Variants in DDX21 observed in about 807,000 individuals in gnomAD.
DDX21 encodes the protein nucleolar RNA helicase 2.
DDX21 carries 18 observed loss-of-function variants against 90.0 expected under a neutral mutation model. The observed-to-expected ratio is 0.20, with a 90% CI of 0.14 to 0.30. The LOEUF is 0.30. Among genes scored for constraint, DDX21 ranks in the 10% least tolerant of loss-of-function variants. The probability of loss-of-function intolerance (pLI) is 1.00; values close to 1 mark genes in which losing one functional copy is unlikely to be tolerated. For synonymous variants in DDX21, 294 were observed against 318.0 expected, an observed-to-expected ratio of 0.92 and a Z score of 0.80; for missense variants, 673 against 944.5, an observed-to-expected ratio of 0.71 and a Z score of 3.77.
At chr10:68,964,141 A>T (rs768099911) in intron 4 of DDX21, 7 of 420,988 alleles carry the variant, frequency 1.7e-5, no homozygotes, top group South Asian at 1.2e-4. Context: ...AATGGAAAGA[A>T]GGGCAAGTCA....
At chr10:68,958,851 A>G (rs1436594289) in intron 1 of DDX21, among the ~76,000 whole-genome samples, 3 of 152,338 alleles carry the variant, frequency 2.0e-5, no homozygotes, top group Non-Finnish European at 2.9e-5. Flanking sequence ...CTGAGATTAC[A>G]GGCATGAACC....
chr10:68,965,257 G>A (rs1038780584), intron 4 of DDX21, 120 bp from the exon 5 acceptor site: 16 of 662,794 alleles, frequency 2.4e-5, no homozygotes, highest in Admixed American at 1.4e-4. Context: ...TAATGTTATC[G>A]TCATCATCAG....
At chr10:68,975,683 A>C (rs1843087915) in intron 11 of DDX21, among the ~76,000 whole-genome samples, 1 of 152,152 alleles carries the variant, frequency 6.6e-6, no homozygotes, top group South Asian at 2.1e-4. Flanking sequence ...CATGCCTGTA[A>C]TCCCAGCACT....
At position 68,960,210 on chromosome 10, in the gene DDX21, T is replaced by C; in HGVS notation, c.492T>C (p.Ser164=). ...FPHPEPDCNP[S]EAASEESNSE... ...ATCCTGAACCGGACTGTAACCCCAG[T>C]GAAGCTGCCAGTGAAGAAAGTAACA... The change falls in exon 2 of 15, where the codon AGT becomes AGC. Residue 164 remains serine, a synonymous_variant. Transcript: ENST00000354185. 1 of 1,607,894 alleles carries C rather than the reference T, an allele frequency of 6.2e-7. No individual in the cohort carries two copies. Among genetic ancestry groups the C allele is most frequent in the Non-Finnish European group, 8.5e-7 (1 of 1,178,502 alleles).
Position 68,982,214 on chromosome 10 carries a change from C to A in DDX21, c.2083-329C>A, listed in dbSNP as rs558079497. ...AAAATTGTTACATCTTTATTCAATA[C>A]TGTGAGAAATGTGTGCTTAATATAT... is the stretch of plus-strand genomic sequence containing the variant. On this transcript the variant is annotated intron_variant, in intron 14 of 14. Coordinates refer to ENST00000354185, the MANE Select transcript of DDX21 (RefSeq NM_004728.4). 4.6e-5 allele frequency among the ~76,000 whole-genome samples: 7 copies of A among 152,302 alleles called. No individual in the cohort carries two copies. The South Asian group carries it at 1.4e-3, about 32-fold the overall frequency.
chr10:68,959,329 A>G (rs1236454157), intron 1 of DDX21, among the ~76,000 whole-genome samples: 1 of 152,146 alleles, frequency 6.6e-6, no homozygotes, highest in Non-Finnish European at 1.5e-5. Flanking sequence ...CCCCACCTCT[A>G]CTAAAAATAC....
chr10:68,958,625 G>C (rs752126954), intron 1 of DDX21, among the ~76,000 whole-genome samples: 3 of 152,098 alleles, frequency 2.0e-5, no homozygotes, highest in Non-Finnish European at 2.9e-5. Flanking sequence ...TTTTAGTAGA[G>C]ATGAGATTTC....
rs547099416 is a variant in DDX21, at chr10:68,956,717, C to A, written c.87+405C>A. 264 of 1,024,972 alleles carry A rather than the reference C, an allele frequency of 2.6e-4. 2 individuals are homozygous for A. The African/African-American group carries it at 4.2e-3, about 16-fold the overall frequency. The allele number at this position is 1,024,972 out of a possible 1,614,324, so 63.5% of individuals were successfully genotyped here. A position where few individuals can be genotyped will look rare whatever the true frequency, so the allele number is the denominator to read the frequency against. On this transcript the variant is annotated intron_variant, in intron 1 of 14. Transcript: ENST00000354185. ...GCTAAGACAGAACTCCCGGCATGAG[C>A]GTGCGCGAAGGAAGTTACACGTCAA...
Position 68,978,728 on chromosome 10 carries a change from G to A in DDX21, c.1903-114G>A, listed in dbSNP as rs540072424. ...TTCGTACTAATTGTTTGTGTGAGAT[G>A]TATGTTTTTAGGAATAACTTTTCAA... On this transcript the variant is annotated intron_variant, in intron 12 of 14. Coordinates refer to ENST00000354185, the MANE Select transcript of DDX21 (RefSeq NM_004728.4). 873 of 1,364,886 alleles carry A rather than the reference G, an allele frequency of 6.4e-4. 3 individuals carry two copies. Among genetic ancestry groups the A allele is most frequent in the Non-Finnish European group, 7.2e-4 (722 of 1,006,624 alleles). 84.5% of individuals were successfully genotyped at this position (1,364,886 alleles called of 1,614,324 possible).
chr10:68,981,234 G>C (rs189594137), intron 13 of DDX21, among the ~76,000 whole-genome samples: 1 of 152,322 alleles, frequency 6.6e-6, no homozygotes, highest in Admixed American at 6.5e-5. Context: ...TGTTTGCTCA[G>C]CAATAAAATG....
chr10:68,979,613 G>T (rs138196395), intron 13 of DDX21, among the ~76,000 whole-genome samples: 1 of 152,220 alleles, frequency 6.6e-6, no homozygotes, highest in Non-Finnish European at 1.5e-5. Flanking sequence ...GGGAATGAGT[G>T]TGGAAAGGGC....
At chr10:68,979,851 A>T (rs1843160864) in intron 13 of DDX21, among the ~76,000 whole-genome samples, 1 of 152,190 alleles carries the variant, frequency 6.6e-6, no homozygotes. Flanking sequence ...CTTACAGCTT[A>T]ATTTCTACCT....
Position 68,970,377 on chromosome 10 carries a change from A to C in DDX21, c.1386+27A>C, listed in dbSNP as rs769399566. On this transcript the variant is annotated intron_variant, in intron 8 of 14. Coordinates refer to ENST00000354185, the MANE Select transcript of DDX21 (RefSeq NM_004728.4). ...TTGGTCCTTCCCCTTATGCCAGCAA[A>C]ACTGGGGATATCAACAAATCTTCAC... 5.6e-6 allele frequency: 9 copies of C among 1,600,646 alleles called. No individual in the cohort carries two copies. In the African/African-American group the frequency reaches 6.7e-5, roughly 12 times the overall value.
intron 13 of DDX21, among the ~76,000 whole-genome samples, chr10:68,980,085 A>G (rs564550090): frequency 6.6e-6 from 1 of 152,272 alleles, no homozygotes; most frequent in Non-Finnish European, 1.5e-5. Context: ...TACTAAAAAT[A>G]CAAAATTAGC....
chr10:68,972,179 G>C, intron 9 of DDX21, 127 bp downstream of exon 9: 1 of 1,117,168 alleles, frequency 9.0e-7, no homozygotes, highest in Non-Finnish European at 1.2e-6. Flanking sequence ...GGATGCTAAG[G>C]GTGATTTTGA....
intron 1 of DDX21, among the ~76,000 whole-genome samples, chr10:68,958,474 T>A (rs1450245749): frequency 6.6e-6 from 1 of 152,058 alleles, no homozygotes; most frequent in African/African-American, 2.4e-5. Flanking sequence ...TCTTGCTGTG[T>A]CGCCCAGGCT....
At chr10:68,973,785 T>A in intron 10 of DDX21, 121 bp downstream of exon 10, 1 of 1,321,250 alleles carries the variant, frequency 7.6e-7, no homozygotes, top group Non-Finnish European at 1.0e-6. Flanking sequence ...GACTGAAAGC[T>A]TATTGTTAGG....
Position 68,967,145 on chromosome 10 carries a change from G to A in DDX21, c.1032G>A (p.Met344Ile), listed in dbSNP as rs988019393. 6.2e-7 allele frequency: 1 copy of A among 1,612,052 alleles called. No individual in the cohort carries two copies. Among genetic ancestry groups the A allele is most frequent in the Non-Finnish European group, 8.5e-7 (1 of 1,179,168 alleles). Residue 344 changes from methionine (M) to isoleucine (I), a missense_variant, in exon 6 of 15, where the codon ATG becomes ATA. Transcript: ENST00000354185. The part of the protein sequence containing the change: ...KHVVLDEVDQ[M>I]LDMGFADQVE... ...TTGTCCTGGATGAAGTGGACCAGAT[G>A]TTGGATATGGGATTTGCTGATCAAG...
chr10:68,964,231 A>G, intron 4 of DDX21: 1 of 287,082 alleles, frequency 3.5e-6, no homozygotes, highest in Non-Finnish European at 7.0e-6. Flanking sequence ...AACAAACATT[A>G]ACCTCATTGA....
Sources: allele counts gnomAD v4.1 joint callset (sites outside exome capture counted in the v4.1 genomes callset), GRCh38; gene constraint gnomAD v4.1.1; transcripts MANE v1.5; gene names NCBI Gene and HGNC (gene_info 2026-07-23, HGNC 2026-07-21).